VEZF1: variants seen among roughly 807,000 people sequenced by gnomAD.
VEZF1 encodes vascular endothelial zinc finger 1, also known as putative transcription factor DB1.
A neutral mutation model predicts 44.1 loss-of-function variants in VEZF1; 5 were observed. That is an observed-to-expected ratio of 0.11 (90% CI 0.06 to 0.24). The LOEUF (loss-of-function observed/expected upper bound fraction) is 0.24, where lower values mean the gene tolerates loss of function less well. Ranked by LOEUF, VEZF1 falls within the 10% of genes least tolerant of loss-of-function variation. VEZF1 has a pLI of 1.00. For synonymous variants in VEZF1, 236 were observed against 233.1 expected, an observed-to-expected ratio of 1.01 and a Z score of -0.11; for missense variants, 358 against 641.8, an observed-to-expected ratio of 0.56 and a Z score of 4.78.
Position 57,974,714 on chromosome 17 carries a change from A to G in VEZF1, c.1325T>C (p.Ile442Thr). 2 of 1,614,136 alleles carry G rather than the reference A, an allele frequency of 1.2e-6. No homozygotes were observed. Among genetic ancestry groups the G allele is most frequent in the African/African-American group, 1.3e-5 (1 of 75,038 alleles). The stretch of plus-strand genomic sequence containing the variant: ...ACTGGTTATAGTTACAGGATGCCCT[A>G]TGTTCATTGGGCTGGTTATGTTAAC... ...SAVNITSPMN[I>T]GHPVTITSPL... The change falls in exon 6 of 6, where the codon ATA becomes ACA. Residue 442 changes from isoleucine to threonine, a missense_variant. By Grantham distance (89) the Ile-to-Thr change is moderately conservative (BLOSUM62 -1). This residue lies in a region of VEZF1 where 171 missense variants were observed against 272.4 expected (regional missense o/e 0.63). Coordinates refer to ENST00000581208, the MANE Select transcript of VEZF1 (RefSeq NM_007146.3).
intron 5 of VEZF1, among the ~76,000 whole-genome samples, chr17:57,978,172 A>G (rs1275202622): frequency 2.0e-5 from 3 of 151,976 alleles, no homozygotes; most frequent in Non-Finnish European, 4.4e-5. Context: ...CACTGCACTC[A>G]AGCCTGAGCA....
In VEZF1 at chr17:57,982,684, A is replaced by G. The variant is rs1567739913; in HGVS notation, c.728+15T>C. 1 of 1,586,482 alleles carries G rather than the reference A, an allele frequency of 6.3e-7. No individual in the cohort carries two copies. Among genetic ancestry groups the G allele is most frequent in the African/African-American group, 1.4e-5 (1 of 73,962 alleles). Reference sequence around the variant, plus strand: ...ACCATAATGAAGCAAAGCAAAGCAAAGCAAAATGCAGTACCTTGAGAAGCC... The same window carrying G: ...ACCATAATGAAGCAAAGCAAAGCAAGGCAAAATGCAGTACCTTGAGAAGCC... On this transcript the variant is annotated intron_variant, in intron 2 of 5. Transcript: ENST00000581208.
In VEZF1 at chr17:57,978,381, G is replaced by A. The variant is rs914057234; in HGVS notation, c.1138+771C>T. Among the ~76,000 whole-genome samples, 4 of 152,246 alleles carry A rather than the reference G, an allele frequency of 2.6e-5. No homozygotes were observed. The South Asian group carries it at 6.2e-4, about 24-fold the overall frequency. The stretch of plus-strand genomic sequence containing the variant: ...CATTGTAGAGGTGGAGGAGGAAGAA[G>A]GAATTTACAAATCTGTCCTTTGGCT... On this transcript the variant is annotated intron_variant, in intron 5 of 5. Transcript: ENST00000581208.
intron 3 of VEZF1, 33 bp downstream of exon 3, chr17:57,981,840 G>A (rs775966753): frequency 1.3e-6 from 2 of 1,594,750 alleles, no homozygotes; most frequent in Non-Finnish European, 1.7e-6. Context: ...TGCATTAAGT[G>A]CTACACTAAG....
At chr17:57,985,314 G>A (rs2075284891) in intron 1 of VEZF1, 4 of 1,231,586 alleles carry the variant, frequency 3.2e-6, no homozygotes, top group Admixed American at 4.2e-5. Flanking sequence ...CATTGCTGAA[G>A]CTCACTCTCA....
rs1053297939 is a variant in VEZF1, at chr17:57,974,048, G to C, written c.*425C>G. Reference sequence around the variant, plus strand: ...ACAATTCTACACTAGCTCTCAATCTGTGGATTTAAAATTTCAGGTTAAAAT... The same window carrying C: ...ACAATTCTACACTAGCTCTCAATCTCTGGATTTAAAATTTCAGGTTAAAAT... On this transcript the variant is annotated 3_prime_UTR_variant, in exon 6 of 6. Coordinates refer to ENST00000581208, the MANE Select transcript of VEZF1 (RefSeq NM_007146.3). 2 of 175,108 alleles carry C rather than the reference G, an allele frequency of 1.1e-5. No individual in the cohort carries two copies. The highest frequency in any genetic ancestry group is 4.8e-5 in the African/African-American group (2 of 42,058). 10.8% of individuals were successfully genotyped at this position (175,108 alleles called of 1,614,324 possible). A position where few individuals can be genotyped will look rare whatever the true frequency, so the allele number is the denominator to read the frequency against.
At chr17:57,982,082 G>T in intron 2 of VEZF1, 146 bp from the exon 3 acceptor site, 1 of 757,650 alleles carries the variant, frequency 1.3e-6, no homozygotes. Flanking sequence ...CCCGGTGCAA[G>T]TCTCCTTCCC....
chr17:57,977,352 C>G (rs181268289), intron 5 of VEZF1, among the ~76,000 whole-genome samples: 1 of 152,036 alleles, frequency 6.6e-6, no homozygotes, highest in Non-Finnish European at 1.5e-5. Flanking sequence ...GTCTCAAACT[C>G]CTGGCCTCAA....
At chr17:57,982,536 G>C (rs1445799130) in intron 2 of VEZF1, among the ~76,000 whole-genome samples, 163 bp downstream of exon 2, 1 of 152,088 alleles carries the variant, frequency 6.6e-6, no homozygotes, top group Non-Finnish European at 1.5e-5. Context: ...ACCAAACTGA[G>C]GTTAGACCTG....
At position 57,974,386 on chromosome 17, in the gene VEZF1, C is replaced by A. The variant is rs1598042084; in HGVS notation, c.*87G>T. 3 of 1,411,276 alleles carry A rather than the reference C, an allele frequency of 2.1e-6. No homozygotes were observed. The East Asian group carries it at 7.2e-5, about 34-fold the overall frequency. The allele number at this position is 1,411,276 out of a possible 1,614,324, so 87.4% of individuals were successfully genotyped here. A position where few individuals can be genotyped will look rare whatever the true frequency, so the allele number is the denominator to read the frequency against. On this transcript the variant is annotated 3_prime_UTR_variant, in exon 6 of 6. Coordinates refer to ENST00000581208, the MANE Select transcript of VEZF1 (RefSeq NM_007146.3). ...CTAATGTAATAAAATCTCCCAATTTCATGGTTTACTTTTTGCTTTAATCAA... is the reference window on the plus strand; with the variant it reads ...CTAATGTAATAAAATCTCCCAATTTAATGGTTTACTTTTTGCTTTAATCAA...
intron 1 of VEZF1, among the ~76,000 whole-genome samples, chr17:57,985,706 G>A (rs1266127281): frequency 6.6e-6 from 1 of 152,168 alleles, no homozygotes; most frequent in Non-Finnish European, 1.5e-5. Flanking sequence ...GTAGGATATG[G>A]CACCATGAAA....
At chr17:57,977,858 A>G (rs2075207538) in intron 5 of VEZF1, among the ~76,000 whole-genome samples, 1 of 151,900 alleles carries the variant, frequency 6.6e-6, no homozygotes, top group Non-Finnish European at 1.5e-5. Flanking sequence ...AAAAGAAAAA[A>G]AAAAAAAAAG....
At chr17:57,985,342 GTCCCTGC>G (rs1440186615) in intron 1 of VEZF1, 1 of 1,230,964 alleles carries the variant, frequency 8.1e-7, no homozygotes, top group African/African-American at 1.6e-5. Flanking sequence ...GTCACACCAG[GTCCCTGC>G]TTCTTGGGTG....
chr17:57,977,450 C>G (rs1014848747), intron 5 of VEZF1, among the ~76,000 whole-genome samples: 3 of 152,004 alleles, frequency 2.0e-5, no homozygotes, highest in Non-Finnish European at 4.4e-5. Flanking sequence ...AAAATAATGA[C>G]AAATCTTCAG....
chr17:57,982,016 C>T lies in VEZF1; in HGVS notation c.729-80G>A, dbSNP rs190538618. The T allele has an allele frequency of 2.5e-4, 373 of 1,491,404 alleles. 1 individual carries two copies. The African/African-American group carries it at 4.7e-3, about 19-fold the overall frequency. 92.4% of individuals were successfully genotyped at this position (1,491,404 alleles called of 1,614,324 possible). On this transcript the variant is annotated intron_variant, in intron 2 of 5. Transcript: ENST00000581208. ...ACTTATGTGATGCTCACATGCTTGG[C>T]AGATTGGGAAGGGGTGCATTTTAGG...
chr17:57,978,741 G>GT (rs574661383), intron 5 of VEZF1, among the ~76,000 whole-genome samples: 96 of 152,084 alleles, frequency 6.3e-4, no homozygotes, highest in African/African-American at 2.2e-3. Flanking sequence ...TAGCACAGTT[G>GT]TAAGAAAATG....
intron 3 of VEZF1, among the ~76,000 whole-genome samples, chr17:57,981,324 T>G (rs1456623797): frequency 6.6e-6 from 1 of 152,198 alleles, no homozygotes; most frequent in Non-Finnish European, 1.5e-5. Flanking sequence ...AAACTAAAAT[T>G]ACCAATGCCT....
intron 5 of VEZF1, among the ~76,000 whole-genome samples, chr17:57,977,814 A>G (rs2075206739): frequency 6.6e-6 from 1 of 151,588 alleles, no homozygotes; most frequent in East Asian, 1.9e-4. Context: ...ATTGCACTCC[A>G]GCCTGGGCAA....
At chr17:57,985,278 T>A (rs779639748) in intron 1 of VEZF1, 27 of 1,231,606 alleles carry the variant, frequency 2.2e-5, no homozygotes, top group Non-Finnish European at 2.5e-5. Context: ...TTCAGATGTC[T>A]GTGGCAACAT....
Sources: gnomAD v4.1 joint callset for allele counts (sites outside exome capture counted in the v4.1 genomes callset) on GRCh38, gnomAD v4.1.1 for gene constraint, gnomAD v4.1.1 regional missense constraint, MANE v1.5 for transcripts, NCBI Gene and HGNC (gene_info 2026-07-23, HGNC 2026-07-21) for gene names.